The following LPP variants were observed in gnomAD, a reference collection of about 807,000 sequenced individuals.
LPP encodes the protein lipoma-preferred partner.
LPP carries 38 observed loss-of-function variants against 60.4 expected under a neutral mutation model. The observed-to-expected ratio is 0.63, with a 90% CI of 0.49 to 0.83. The LOEUF (loss-of-function observed/expected upper bound fraction) is 0.83. Ranked by LOEUF, LPP falls within the 40% of genes least tolerant of loss-of-function variation. LPP has a pLI of 0.00. For missense variants in LPP, 902 were observed against 783.6 expected (o/e 1.15, Z -1.80); for synonymous variants, 328 against 290.8 (o/e 1.13, Z -1.30).
At chr3:188,241,846 G>A (rs953505838) in intron 2 of LPP, among the ~76,000 whole-genome samples, 3 of 152,188 alleles carry the variant, frequency 2.0e-5, no homozygotes, top group Admixed American at 1.3e-4. Flanking sequence ...ATGGTGGGGA[G>A]TAGGACATTC....
At chr3:188,195,596 C>T (rs1047258235) in intron 1 of LPP, among the ~76,000 whole-genome samples, 2 of 152,188 alleles carry the variant, frequency 1.3e-5, no homozygotes, top group Non-Finnish European at 2.9e-5. Flanking sequence ...GGCAGTTTAG[C>T]ATTTAAAATG....
At chr3:188,826,773 A>ACC (rs147165996) in intron 9 of LPP, among the ~76,000 whole-genome samples, 3 of 149,616 alleles carry the variant, frequency 2.0e-5, no homozygotes, top group Non-Finnish European at 4.5e-5. Context: ...TCATCTCTGG[A>ACC]CCCCCCCCAC....
At chr3:188,741,834 C>T (rs531735442) in intron 8 of LPP, among the ~76,000 whole-genome samples, 2 of 151,704 alleles carry the variant, frequency 1.3e-5, no homozygotes, top group South Asian at 4.2e-4. Flanking sequence ...TAAAAGACAC[C>T]ATAACAAATG....
At chr3:188,681,123 A>G (rs1460269078) in intron 7 of LPP, among the ~76,000 whole-genome samples, 1 of 151,108 alleles carries the variant, frequency 6.6e-6, no homozygotes, top group Non-Finnish European at 1.5e-5. Flanking sequence ...CAGCCTCTCG[A>G]GTAGCTGGGA....
At chr3:188,630,178 AACAG>A (rs1009472309) in intron 7 of LPP, among the ~76,000 whole-genome samples, 14 of 152,136 alleles carry the variant, frequency 9.2e-5, no homozygotes, top group African/African-American at 3.1e-4. Context: ...CAACAGAGTA[AACAG>A]ACAGCCTATA....
At chr3:188,245,620 A>T (rs1488145322) in intron 2 of LPP, among the ~76,000 whole-genome samples, 2 of 152,158 alleles carry the variant, frequency 1.3e-5, no homozygotes, top group South Asian at 2.1e-4. Flanking sequence ...ATTTAATAAA[A>T]TAGAAGGCAT....
intron 3 of LPP, among the ~76,000 whole-genome samples, chr3:188,404,462 C>G (rs1782955876): frequency 6.6e-6 from 1 of 152,148 alleles, no homozygotes; most frequent in African/African-American, 2.4e-5. Flanking sequence ...CCAGGCTGGT[C>G]TCAAACTCCT....
chr3:188,462,237 T>G (rs1458704554), intron 4 of LPP, among the ~76,000 whole-genome samples: 1 of 151,360 alleles, frequency 6.6e-6, no homozygotes, highest in Non-Finnish European at 1.5e-5. Context: ...TAGACATTAT[T>G]ATTATTATTA....
rs1312549505 is a variant in LPP at position 188,878,397 on chromosome 3, T to C, written c.*3918T>C. On this transcript the variant is annotated 3_prime_UTR_variant, in exon 12 of 12. Coordinates refer to ENST00000617246, the MANE Select transcript of LPP (RefSeq NM_001375462.1). Reference sequence around the variant, plus strand: ...TTTTTCATATACATTTCTAGAAATATTGCTATTCTACCTTAGTATTTCACA... The same window carrying C: ...TTTTTCATATACATTTCTAGAAATACTGCTATTCTACCTTAGTATTTCACA... 3 of 216,066 alleles carry C rather than the reference T, an allele frequency of 1.4e-5. No homozygotes were observed. The highest frequency in any genetic ancestry group is 2.8e-5 in the Non-Finnish European group (3 of 107,034). The allele number at this position is 216,066 out of a possible 1,614,324, so 13.4% of individuals were successfully genotyped here.
intron 9 of LPP, among the ~76,000 whole-genome samples, chr3:188,821,302 T>C (rs1224183938): frequency 6.7e-6 from 1 of 149,560 alleles, no homozygotes; most frequent in Non-Finnish European, 1.5e-5. Context: ...GTTTTAAAAC[T>C]CTGATACCCA....
chr3:188,514,740 C>T (rs73054750), intron 5 of LPP, among the ~76,000 whole-genome samples: 6,171 of 152,276 alleles, frequency 0.041, 269 homozygotes, highest in East Asian at 0.17. Flanking sequence ...CCGTGCCTGG[C>T]GGCAGTTTTG....
chr3:188,762,838 T>C (rs927160595), intron 9 of LPP, among the ~76,000 whole-genome samples: 1 of 152,114 alleles, frequency 6.6e-6, no homozygotes, highest in African/African-American at 2.4e-5. Context: ...GATCTATTCG[T>C]GGTGACTCTA....
chr3:188,863,708 G>A (rs1765837012), intron 9 of LPP, among the ~76,000 whole-genome samples: 1 of 152,110 alleles, frequency 6.6e-6, no homozygotes, highest in Non-Finnish European at 1.5e-5. Context: ...CAATTTGCGG[G>A]CATTTTGCAA....
At chr3:188,472,624 A>ATTTATTTATCCCT (rs1802128681) in intron 4 of LPP, 1 of 152,190 alleles carries the variant, frequency 6.6e-6, no homozygotes, top group Non-Finnish European at 1.5e-5. Flanking sequence ...AAATCACAGA[A>ATTTATTTATCCCT]GGCCCCTGGC....
intron 9 of LPP, among the ~76,000 whole-genome samples, chr3:188,788,382 C>G (rs912335039): frequency 1.3e-5 from 2 of 152,152 alleles, no homozygotes; most frequent in East Asian, 3.9e-4. Context: ...TTTCCCATCT[C>G]CATCCCAATC....
intron 7 of LPP, among the ~76,000 whole-genome samples, chr3:188,678,907 G>C (rs1365282984): frequency 6.6e-6 from 1 of 152,200 alleles, no homozygotes; most frequent in Non-Finnish European, 1.5e-5. Context: ...AGCTTTCCAA[G>C]AACTGTCTCC....
At chr3:188,211,729 G>A (rs1734750189) in intron 1 of LPP, among the ~76,000 whole-genome samples, 1 of 152,100 alleles carries the variant, frequency 6.6e-6, no homozygotes, top group Non-Finnish European at 1.5e-5. Flanking sequence ...CCAGCCCGGT[G>A]TCTGTGCCCA....
intron 2 of LPP, among the ~76,000 whole-genome samples, chr3:188,306,625 G>A (rs1019723213): frequency 2.6e-5 from 4 of 152,170 alleles, no homozygotes; most frequent in African/African-American, 7.2e-5. Context: ...GTGCTAGTGT[G>A]TTGTTGAAAT....
chr3:188,643,396 G>T (rs540989357), intron 7 of LPP, among the ~76,000 whole-genome samples: 38 of 152,222 alleles, frequency 2.5e-4, no homozygotes, highest in African/African-American at 7.9e-4. Context: ...AATAAGTAAT[G>T]CACCTAAAGA....
Sources: gnomAD v4.1 joint callset for allele counts (sites outside exome capture counted in the v4.1 genomes callset) on GRCh38, gnomAD v4.1.1 for gene constraint, MANE v1.5 for transcripts, NCBI Gene and HGNC (gene_info 2026-07-23, HGNC 2026-07-21) for gene names.